RGCC: variants seen among roughly 807,000 people sequenced by gnomAD.
RGCC encodes the protein regulator of cell cycle RGCC.
In RGCC, 15 loss-of-function variants were observed where a neutral mutation model predicts 15.4. That is an observed-to-expected ratio of 0.97 (90% CI 0.65 to 1.50). RGCC has a LOEUF of 1.50. Ranked by LOEUF, RGCC falls within the 40% of genes most tolerant of loss-of-function variation. RGCC has a pLI of 0.00. For missense variants in RGCC, 176 were observed against 189.7 expected (o/e 0.93, Z 0.42); for synonymous variants, 81 against 78.0 (o/e 1.04, Z -0.20).
intron 3 of RGCC, among the ~76,000 whole-genome samples, chr13:41,468,475 G>T (rs1566339250): frequency 6.6e-6 from 1 of 152,158 alleles, no homozygotes; most frequent in African/African-American, 2.4e-5. Flanking sequence ...AGGGAGAAGT[G>T]GGGTGGGATG....
At chr13:41,461,155 T>G (rs1165437239) in intron 2 of RGCC, among the ~76,000 whole-genome samples, 2 of 152,208 alleles carry the variant, frequency 1.3e-5, no homozygotes, top group Non-Finnish European at 2.9e-5. Context: ...GCAGTATAAC[T>G]TCACATGGTG....
At chr13:41,461,014 C>A (rs2043818642) in intron 2 of RGCC, among the ~76,000 whole-genome samples, 1 of 152,092 alleles carries the variant, frequency 6.6e-6, no homozygotes, top group South Asian at 2.1e-4. Flanking sequence ...AAAAAATAGC[C>A]ATTCCTCGTA....
At chr13:41,466,799 T>A (rs935468780) in intron 2 of RGCC, 24 bp from the exon 3 acceptor site, 1 of 1,457,682 alleles carries the variant, frequency 6.9e-7, no homozygotes, top group African/African-American at 1.4e-5. Flanking sequence ...CTATTTCTAA[T>A]GAGTATATTT....
chr13:41,469,360 A>G (rs2043865219), intron 4 of RGCC, among the ~76,000 whole-genome samples: 1 of 152,010 alleles, frequency 6.6e-6, no homozygotes, highest in African/African-American at 2.4e-5. Context: ...TAGGAATGAA[A>G]TTCTGGGATA....
Position 41,458,211 on chromosome 13 carries a change from C to CCCTGGGAGGTGGT in RGCC, c.50-72_50-71insTGGGAGGTGGTCC, listed in dbSNP as rs1566335549. On this transcript the variant is annotated intron_variant, in intron 1 of 4. Transcript: ENST00000379359. The surrounding 1 kb of genome is among the most constrained non-coding windows in gnomAD (Gnocchi z 4.4). Reference sequence around the variant, plus strand: ...CAGTTATCTTCGGGAACCGTGGCGGCCCCTCCTGGCCCTGGGAGGTGGTCC... The same window carrying CCCTGGGAGGTGGT: ...CAGTTATCTTCGGGAACCGTGGCGGCCCTGGGAGGTGGTCCCTCCTGGCCCTGGGAGGTGGTCC... 8.0e-7 allele frequency: 1 copy of CCCTGGGAGGTGGT among 1,250,982 alleles called. No individual in the cohort carries two copies. The highest frequency in any genetic ancestry group is 2.6e-5 in the Admixed American group (1 of 38,066). 77.5% of individuals were successfully genotyped at this position (1,250,982 alleles called of 1,614,324 possible). A position where few individuals can be genotyped will look rare whatever the true frequency, so the allele number is the denominator to read the frequency against.
In RGCC at chr13:41,458,183, T is replaced by C. The variant is rs754956235; in HGVS notation, c.50-102T>C. The C allele has an allele frequency of 4.7e-5, 45 of 963,352 alleles. No individual in the cohort carries two copies. Among genetic ancestry groups the C allele is most frequent in the Non-Finnish European group, 6.2e-5 (41 of 665,516 alleles). The allele number at this position is 963,352 out of a possible 1,614,324, so 59.7% of individuals were successfully genotyped here. Reference sequence around the variant, plus strand: ...GCTGTCACTTGGCAGAGGCGCCAAGTGTCAGTTATCTTCGGGAACCGTGGC... The same window carrying C: ...GCTGTCACTTGGCAGAGGCGCCAAGCGTCAGTTATCTTCGGGAACCGTGGC... On this transcript the variant is annotated intron_variant, in intron 1 of 4. Coordinates refer to ENST00000379359, the MANE Select transcript of RGCC (RefSeq NM_014059.3). The surrounding 1 kb of genome is among the most constrained non-coding windows in gnomAD (Gnocchi z 4.4).
intron 3 of RGCC, among the ~76,000 whole-genome samples, chr13:41,468,253 G>C (rs1362895962): frequency 6.6e-6 from 1 of 152,148 alleles, no homozygotes; most frequent in Non-Finnish European, 1.5e-5. Context: ...GCCCTGGGGG[G>C]ACAGCACAAG....
chr13:41,462,998 TTC>T (rs1210797702), intron 2 of RGCC, among the ~76,000 whole-genome samples: 4 of 152,248 alleles, frequency 2.6e-5, no homozygotes, highest in Non-Finnish European at 4.4e-5. Flanking sequence ...ATTCTGTTTA[TTC>T]TCTGTGATTA....
intron 2 of RGCC, among the ~76,000 whole-genome samples, chr13:41,466,106 GCT>G (rs1460714830): frequency 3.3e-5 from 5 of 150,162 alleles, no homozygotes; most frequent in African/African-American, 4.9e-5. Context: ...ACACTCACAT[GCT>G]CTCACACACA....
Position 41,457,896 on chromosome 13 carries a change from G to A in RGCC, c.49+140G>A. On this transcript the variant is annotated intron_variant, in intron 1 of 4. Transcript: ENST00000379359. This position sits in a 1 kb window ranked among gnomAD's most constrained non-coding sequence, Gnocchi z 4.9. ...GAACCTGTCCCCGGTCTTCCCGCGC[G>A]GGCGGCTGCAGCCTCCTTTCCGGCC... The A allele has an allele frequency of 7.9e-7, 1 of 1,269,688 alleles. No individual in the cohort carries two copies. Among genetic ancestry groups the A allele is most frequent in the Non-Finnish European group, 1.0e-6 (1 of 984,906 alleles). 78.7% of individuals were successfully genotyped at this position (1,269,688 alleles called of 1,614,324 possible). A position where few individuals can be genotyped will look rare whatever the true frequency, so the allele number is the denominator to read the frequency against.
At chr13:41,469,280 TAATAATAATAATAATAAGAAGAAG>T (rs1226375125) in intron 4 of RGCC, among the ~76,000 whole-genome samples, 1 of 112,696 alleles carries the variant, frequency 8.9e-6, no homozygotes, top group African/African-American at 3.5e-5. Flanking sequence ...ATAATAATAA[TAATAATAATAATAATAAGAAGAAG>T]AAGAAGAAGA....
chr13:41,466,797 A>G, intron 2 of RGCC, 26 bp from the exon 3 acceptor site: 2 of 1,434,044 alleles, frequency 1.4e-6, no homozygotes, highest in South Asian at 1.1e-5. Flanking sequence ...TACTATTTCT[A>G]ATGAGTATAT....
At chr13:41,460,347 G>A (rs1023458254) in intron 2 of RGCC, among the ~76,000 whole-genome samples, 4 of 152,154 alleles carry the variant, frequency 2.6e-5, no homozygotes, top group African/African-American at 4.8e-5. Context: ...TGTTATCCTC[G>A]TTTGTCTGTT....
chr13:41,466,069 A>ACACACACACACTCT (rs1204957102), intron 2 of RGCC, among the ~76,000 whole-genome samples: 2 of 151,254 alleles, frequency 1.3e-5, no homozygotes, highest in African/African-American at 4.9e-5. Context: ...ACACACACAC[A>ACACACACACACTCT]CTCTCTCACT....
chr13:41,466,862 A>G lies in RGCC; in HGVS notation c.275A>G (p.Asp92Gly). Residue 92 changes from aspartate (D) to glycine (G), a missense_variant, in exon 3 of 5, where the codon GAT becomes GGT. Coordinates refer to ENST00000379359, the MANE Select transcript of RGCC (RefSeq NM_014059.3). ...SLYRNSFSFS[D>G]EKLNSPTDST... The stretch of plus-strand genomic sequence containing the variant: ...TATAGGAACAGCTTCAGCTTCAGTG[A>G]TGAAAAACTGAATTCTCCAACAGAC... The G allele has an allele frequency of 6.2e-7, 1 of 1,613,980 alleles. No individual in the cohort carries two copies. Among genetic ancestry groups the G allele is most frequent in the Admixed American group, 1.7e-5 (1 of 60,026 alleles).
chr13:41,462,221 T>C (rs2043825124), intron 2 of RGCC, among the ~76,000 whole-genome samples: 1 of 152,220 alleles, frequency 6.6e-6, no homozygotes, highest in Non-Finnish European at 1.5e-5. Context: ...TAAGGTTTAC[T>C]GTCTGTGGTT....
At position 41,458,334 on chromosome 13, in the gene RGCC, C is replaced by A; in HGVS notation, c.99C>A (p.Cys33Ter). ...AAAEDLSDAL[C>*]EFDAVLADFA... The stretch of plus-strand genomic sequence containing the variant: ...CGGAGGACCTGTCGGACGCGCTGTG[C>A]GAGTTTGACGCGGTGCTGGCCGACT... The change falls in exon 2 of 5, where the codon TGC becomes TGA. Residue 33 changes from cysteine to a stop codon, truncating the protein, a stop_gained. Transcript: ENST00000379359. LOFTEE classifies it high-confidence loss of function. This position sits in a 1 kb window ranked among gnomAD's most constrained non-coding sequence, Gnocchi z 4.4. 6 of 1,588,154 alleles carry A rather than the reference C, an allele frequency of 3.8e-6. No homozygotes were observed. Among genetic ancestry groups the A allele is most frequent in the Non-Finnish European group, 5.1e-6 (6 of 1,173,754 alleles).
In RGCC at chr13:41,458,551, T is replaced by A; in HGVS notation, c.235+81T>A. On this transcript the variant is annotated intron_variant, in intron 2 of 4. Coordinates refer to ENST00000379359, the MANE Select transcript of RGCC (RefSeq NM_014059.3). This position sits in a 1 kb window ranked among gnomAD's most constrained non-coding sequence, Gnocchi z 4.4. Reference sequence around the variant, plus strand: ...CCCGCGAAGGCTGCGGCCTCAGTTTTCTTATCAGTAAACTGAGGAATGGTT... The same window carrying A: ...CCCGCGAAGGCTGCGGCCTCAGTTTACTTATCAGTAAACTGAGGAATGGTT... 7.2e-7 allele frequency: 1 copy of A among 1,387,180 alleles called. No individual in the cohort carries two copies. The highest frequency in any genetic ancestry group is 9.7e-7 in the Non-Finnish European group (1 of 1,032,246). 85.9% of individuals were successfully genotyped at this position (1,387,180 alleles called of 1,614,324 possible). A position where few individuals can be genotyped will look rare whatever the true frequency, so the allele number is the denominator to read the frequency against.
At chr13:41,466,756 C>T (rs2043851311) in intron 2 of RGCC, 67 bp from the exon 3 acceptor site, 11 of 1,099,790 alleles carry the variant, frequency 1.0e-5, no homozygotes, top group Non-Finnish European at 1.5e-5. Context: ...TATCAATAGA[C>T]TATAAAGTGC....
Sources: gnomAD v4.1 joint callset for allele counts (sites outside exome capture counted in the v4.1 genomes callset) on GRCh38, gnomAD v4.1.1 for gene constraint, Gnocchi (gnomAD v3.1) non-coding constraint, MANE v1.5 for transcripts, NCBI Gene and HGNC (gene_info 2026-07-23, HGNC 2026-07-21) for gene names.